ROBO1: variants seen among roughly 807,000 people sequenced by gnomAD.
ROBO1 encodes roundabout guidance receptor 1, also known as roundabout homolog 1.
Under a neutral mutation model 195.9 loss-of-function variants are expected in ROBO1, and 149 were observed. The observed-to-expected ratio is 0.76, with a 90% CI of 0.67 to 0.87. The LOEUF (loss-of-function observed/expected upper bound fraction) is 0.87. Among genes scored for constraint, ROBO1 ranks in the 40% least tolerant of loss-of-function variants. The pLI is 0.00. For missense variants in ROBO1, 1,933 were observed against 2,068.3 expected, an observed-to-expected ratio of 0.93 and a Z score of 1.27; for synonymous variants, 816 against 733.2, an observed-to-expected ratio of 1.11 and a Z score of -1.82.
intron 3 of ROBO1, among the ~76,000 whole-genome samples, chr3:78,963,089 T>TTATATA (rs1560055496): frequency 1.1e-3 from 154 of 137,444 alleles, no homozygotes; most frequent in African/African-American, 4.5e-3. Flanking sequence ...ATCTCATACT[T>TTATATA]GATATATATA....
At chr3:78,664,683 C>T (rs1707631129) in intron 14 of ROBO1, among the ~76,000 whole-genome samples, 1 of 152,198 alleles carries the variant, frequency 6.6e-6, no homozygotes, top group Non-Finnish European at 1.5e-5. Flanking sequence ...AGTATCTACA[C>T]TTGGGGAAGA....
At chr3:79,018,408 T>G (rs1369580840) in intron 3 of ROBO1, 4 of 1,613,726 alleles carry the variant, frequency 2.5e-6, no homozygotes, top group South Asian at 1.1e-5. Context: ...CGGGGTTACC[T>G]GAACAGAGAC....
chr3:78,639,139 C>A (rs1705753856), intron 22 of ROBO1, among the ~76,000 whole-genome samples: 1 of 151,654 alleles, frequency 6.6e-6, no homozygotes, highest in Non-Finnish European at 1.5e-5. Context: ...GAGTGAGACT[C>A]TTGTCAAAAA....
At chr3:79,709,422 GA>G (rs1702187964) in intron 1 of ROBO1, among the ~76,000 whole-genome samples, 1 of 151,936 alleles carries the variant, frequency 6.6e-6, no homozygotes, top group African/African-American at 2.4e-5. Context: ...TGTGTACAAA[GA>G]ATTTTCATAT....
intron 4 of ROBO1, among the ~76,000 whole-genome samples, chr3:78,780,263 T>A (rs2083635275): frequency 6.6e-6 from 1 of 152,058 alleles, no homozygotes; most frequent in African/African-American, 2.4e-5. Context: ...AAAAAAAAAT[T>A]CACATATGTT....
intron 2 of ROBO1, among the ~76,000 whole-genome samples, chr3:79,297,462 T>C (rs965838749): frequency 7.2e-5 from 11 of 152,170 alleles, no homozygotes; most frequent in African/African-American, 2.7e-4. Flanking sequence ...AGTGGGCATA[T>C]GCTCAGTAAG....
rs533304099 is a variant in ROBO1, at chr3:78,772,321, T to G, written c.500-25421A>C. On this transcript the variant is annotated intron_variant, in intron 4 of 30. Coordinates refer to ENST00000464233, the MANE Select transcript of ROBO1 (RefSeq NM_002941.4). ...GACCATGCTAACTGCATTTTGTTAT[T>G]TTTCTAAATTATTTGAGGAACATCA... is the stretch of plus-strand genomic sequence containing the variant. Among the ~76,000 whole-genome samples the G allele has an allele frequency of 5.4e-4, 82 of 152,204 alleles. No homozygotes were observed. The South Asian group carries it at 0.016, about 30-fold the overall frequency.
intron 2 of ROBO1, among the ~76,000 whole-genome samples, chr3:79,540,007 C>G (rs1428011026): frequency 1.3e-5 from 2 of 151,984 alleles, no homozygotes; most frequent in Admixed American, 6.6e-5. Context: ...GATTATTTTT[C>G]ATAATTCCTT....
chr3:79,102,386 A>T (rs893827950), intron 3 of ROBO1, among the ~76,000 whole-genome samples: 1 of 151,762 alleles, frequency 6.6e-6, no homozygotes, highest in African/African-American at 2.4e-5. Flanking sequence ...ATCAGCAAGA[A>T]GTTCTGAGAG....
chr3:79,529,386 G>A (rs1188226526), intron 2 of ROBO1, among the ~76,000 whole-genome samples: 2 of 152,142 alleles, frequency 1.3e-5, no homozygotes, highest in African/African-American at 4.8e-5. Flanking sequence ...TATTGGGGAG[G>A]CTGAGATGGC....
At chr3:79,167,409 G>A (rs563123421) in intron 2 of ROBO1, among the ~76,000 whole-genome samples, 1 of 152,146 alleles carries the variant, frequency 6.6e-6, no homozygotes, top group East Asian at 1.9e-4. Flanking sequence ...CATCCACATT[G>A]TATTTTTGTC....
At chr3:79,160,457 T>C (rs1021852816) in intron 2 of ROBO1, among the ~76,000 whole-genome samples, 34 of 152,050 alleles carry the variant, frequency 2.2e-4, no homozygotes, top group Non-Finnish European at 3.5e-4. Context: ...AGTGTCTTCA[T>C]ATAGAACTGT....
At chr3:79,080,704 C>T (rs187874724) in intron 3 of ROBO1, among the ~76,000 whole-genome samples, 1 of 151,956 alleles carries the variant, frequency 6.6e-6, no homozygotes, top group Non-Finnish European at 1.5e-5. Context: ...AAGGTCATGG[C>T]CGCTCTAATT....
chr3:79,544,892 T>C (rs1172304370), intron 2 of ROBO1, among the ~76,000 whole-genome samples: 1 of 152,080 alleles, frequency 6.6e-6, no homozygotes. Flanking sequence ...CTTTTTTCTC[T>C]AAAAATGATA....
intron 2 of ROBO1, among the ~76,000 whole-genome samples, chr3:79,140,057 CTT>C (rs2080492455): frequency 6.6e-6 from 1 of 152,048 alleles, no homozygotes; most frequent in African/African-American, 2.4e-5. Flanking sequence ...AATAGAATCC[CTT>C]TTGTAGATGT....
chr3:78,855,951 T>C (rs2034389627), intron 4 of ROBO1, among the ~76,000 whole-genome samples: 2 of 152,060 alleles, frequency 1.3e-5, no homozygotes, highest in South Asian at 4.1e-4. Context: ...AAATTACTTT[T>C]ACATGCTGTT....
chr3:79,539,472 C>A (rs899831979), intron 2 of ROBO1, among the ~76,000 whole-genome samples: 1 of 152,036 alleles, frequency 6.6e-6, no homozygotes, highest in Admixed American at 6.6e-5. Flanking sequence ...AACTTTAGAT[C>A]TTTTGCTATA....
Position 79,021,651 on chromosome 3 carries a change from ATTTTTTTTTTT to A in ROBO1, c.173-82735_173-82725del, listed in dbSNP as rs71127372. Among the ~76,000 whole-genome samples, 3 of 76,888 alleles carry A rather than the reference ATTTTTTTTTTT, an allele frequency of 3.9e-5. No individual in the cohort carries two copies. In the Admixed American group the frequency reaches 4.5e-4, roughly 12 times the overall value. The allele number at this position is 76,888 out of a possible 152,430, so 50.4% of individuals were successfully genotyped here. On this transcript the variant is annotated intron_variant, in intron 3 of 30. Transcript: ENST00000464233. Reference sequence around the variant, plus strand: ...CCCCTCTCTTCCACTCCTAGAGATGATTTTTTTTTTTTTTTTTTTTTTTTTTAGAGACGGAG... The same window carrying A: ...CCCCTCTCTTCCACTCCTAGAGATGATTTTTTTTTTTTTTTAGAGACGGAG...
chr3:79,327,174 C>A (rs1221345147), intron 2 of ROBO1, among the ~76,000 whole-genome samples: 1 of 151,988 alleles, frequency 6.6e-6, no homozygotes, highest in African/African-American at 2.4e-5. Context: ...AATTTCAGGA[C>A]TTTGCTTTCA....
Sources: allele counts gnomAD v4.1 joint callset (sites outside exome capture counted in the v4.1 genomes callset), GRCh38; gene constraint gnomAD v4.1.1; transcripts MANE v1.5; gene names NCBI Gene and HGNC (gene_info 2026-07-23, HGNC 2026-07-21).